Variants in CNTN5 observed in about 807,000 individuals in gnomAD.
The protein encoded by CNTN5 is contactin-5.
A neutral mutation model predicts 129.1 loss-of-function variants in CNTN5; 77 were observed. That is an observed-to-expected ratio of 0.60 (90% CI 0.50 to 0.72). The LOEUF (loss-of-function observed/expected upper bound fraction) is 0.72. CNTN5 is among the 30% of genes least tolerant of loss of function. The pLI, the probability that CNTN5 is intolerant of heterozygous loss-of-function variation, is 0.00. For synonymous variants in CNTN5, 509 were observed against 465.6 expected, an observed-to-expected ratio of 1.09 and a Z score of -1.20; for missense variants, 1,478 against 1,328.8, an observed-to-expected ratio of 1.11 and a Z score of -1.75.
rs149278821 is a variant in CNTN5 at position 99,805,030 on chromosome 11, T to C, written c.56-14514T>C. ...CATAGGTAACTGTTTATTGAGGAATTAAAGTCTGAGAGAAAACAGGAAATG... is the reference window on the plus strand; with the variant it reads ...CATAGGTAACTGTTTATTGAGGAATCAAAGTCTGAGAGAAAACAGGAAATG... On this transcript the variant is annotated intron_variant, in intron 3 of 24. Transcript: ENST00000524871. 3.1e-3 allele frequency among the ~76,000 whole-genome samples: 477 copies of C among 152,152 alleles called. 5 individuals carry two copies. Among genetic ancestry groups the C allele is most frequent in the African/African-American group, 0.011 (464 of 41,518 alleles).
chr11:99,810,580 A>G (rs1315600722), intron 3 of CNTN5, among the ~76,000 whole-genome samples: 2 of 152,150 alleles, frequency 1.3e-5, no homozygotes, highest in African/African-American at 4.8e-5. Context: ...GATTTGGGCT[A>G]TTTCAAACTC....
intron 2 of CNTN5, among the ~76,000 whole-genome samples, chr11:99,547,295 C>T (rs1261958685): frequency 2.6e-5 from 4 of 152,126 alleles, no homozygotes; most frequent in South Asian, 2.1e-4. Context: ...TGAGCCACCG[C>T]GCCTGGTCGA....
chr11:100,261,746 T>C (rs1259133644), intron 17 of CNTN5, among the ~76,000 whole-genome samples: 2 of 152,170 alleles, frequency 1.3e-5, no homozygotes, highest in African/African-American at 4.8e-5. Flanking sequence ...ACTAGCTATA[T>C]GCAGAAAACA....
intron 13 of CNTN5, among the ~76,000 whole-genome samples, chr11:100,088,098 T>C (rs895235988): frequency 6.6e-6 from 1 of 151,718 alleles, no homozygotes; most frequent in Admixed American, 6.6e-5. Flanking sequence ...ATCTCTAAGA[T>C]GCAAATAAGC....
intron 15 of CNTN5, among the ~76,000 whole-genome samples, chr11:100,208,210 C>A (rs1358512598): frequency 6.6e-6 from 1 of 152,078 alleles, no homozygotes; most frequent in Non-Finnish European, 1.5e-5. Flanking sequence ...ACAAAATAAA[C>A]CTTGCAAAAA....
At chr11:99,414,075 G>C (rs1740509856) in intron 2 of CNTN5, among the ~76,000 whole-genome samples, 1 of 152,196 alleles carries the variant, frequency 6.6e-6, no homozygotes, top group Non-Finnish European at 1.5e-5. Flanking sequence ...CAAGTTGTCA[G>C]TGTTAATTAG....
chr11:100,009,431 T>C (rs12421109), intron 9 of CNTN5, among the ~76,000 whole-genome samples: 61,397 of 149,322 alleles, frequency 0.41, 13,467 homozygotes, highest in African/African-American at 0.58. Flanking sequence ...ATGTAAAGGC[T>C]TGGGTAACAC....
intron 1 of CNTN5, among the ~76,000 whole-genome samples, chr11:99,285,405 G>T (rs1320642372): frequency 6.6e-6 from 1 of 152,052 alleles, no homozygotes; most frequent in Non-Finnish European, 1.5e-5. Context: ...TCTGGATACA[G>T]CAGGAATCCT....
Position 99,825,216 on chromosome 11 carries a change from T to G in CNTN5, c.277+5451T>G, listed in dbSNP as rs1565574765. The stretch of plus-strand genomic sequence containing the variant: ...GCCAGACTCTTTAATTTCTTTAGGA[T>G]GTTTTCGCTTTTCCCTTGCTTTACA... On this transcript the variant is annotated intron_variant, in intron 4 of 24. Coordinates refer to ENST00000524871, the MANE Select transcript of CNTN5 (RefSeq NM_014361.4). 2.6e-5 allele frequency among the ~76,000 whole-genome samples: 4 copies of G among 152,058 alleles called. No individual in the cohort carries two copies. The South Asian group carries it at 8.3e-4, about 31-fold the overall frequency.
chr11:99,097,725 A>G (rs1189289996), intron 1 of CNTN5, among the ~76,000 whole-genome samples: 3 of 151,888 alleles, frequency 2.0e-5, no homozygotes, highest in Non-Finnish European at 1.5e-5. Flanking sequence ...TTCAAGAACC[A>G]TATTTGCTTT....
At chr11:99,697,684 T>G (rs368662640) in intron 3 of CNTN5, among the ~76,000 whole-genome samples, 3 of 151,744 alleles carry the variant, frequency 2.0e-5, no homozygotes, top group African/African-American at 7.2e-5. Context: ...TTAATGAATA[T>G]TAATCTATCA....
chr11:100,074,109 C>T, intron 12 of CNTN5, 35 bp from the exon 13 acceptor site: 4 of 1,587,780 alleles, frequency 2.5e-6, no homozygotes, highest in Non-Finnish European at 3.4e-6. Flanking sequence ...ATTGTCATTG[C>T]TTCTGGTAGA....
intron 2 of CNTN5, among the ~76,000 whole-genome samples, chr11:99,423,864 T>TG (rs1236527855): frequency 7.0e-6 from 1 of 142,388 alleles, no homozygotes; most frequent in African/African-American, 2.5e-5. Context: ...GGGTATGGGG[T>TG]GGGGGAGCGG....
intron 2 of CNTN5, among the ~76,000 whole-genome samples, chr11:99,533,545 C>T (rs1375368816): frequency 6.6e-6 from 1 of 152,234 alleles, no homozygotes; most frequent in Non-Finnish European, 1.5e-5. Context: ...CTGCCTTGCC[C>T]AGGCAATGGG....
intron 2 of CNTN5, among the ~76,000 whole-genome samples, chr11:99,453,559 CA>C (rs1251412112): frequency 6.6e-6 from 1 of 152,000 alleles, no homozygotes; most frequent in Non-Finnish European, 1.5e-5. Flanking sequence ...TAAGAGTAAC[CA>C]AATGCAATTA....
chr11:99,396,484 G>A (rs1285532011), intron 2 of CNTN5, among the ~76,000 whole-genome samples: 1 of 151,432 alleles, frequency 6.6e-6, no homozygotes, highest in Non-Finnish European at 1.5e-5. Flanking sequence ...ACCCCAGTCA[G>A]TATCCTTAAA....
At position 99,573,989 on chromosome 11, in the gene CNTN5, G is replaced by T. The variant is rs184676889; in HGVS notation, c.55+17720G>T. ...GTTACGTAAGTATACACATGCCATG[G>T]TGGTTTGCTGCACCCATCAACCCGT... On this transcript the variant is annotated intron_variant, in intron 3 of 24. Transcript: ENST00000524871. Among the ~76,000 whole-genome samples, 2 of 152,002 alleles carry T rather than the reference G, an allele frequency of 1.3e-5. 1 individual carries two copies. The highest frequency in any genetic ancestry group is 4.1e-4 in the South Asian group (2 of 4,826).
At chr11:99,298,307 A>G (rs1162218283) in intron 1 of CNTN5, among the ~76,000 whole-genome samples, 6 of 152,222 alleles carry the variant, frequency 3.9e-5, no homozygotes, top group Admixed American at 2.0e-4. Flanking sequence ...ATTTATAGAC[A>G]AAAAAGGTAA....
At chr11:99,135,056 T>G (rs1859149658) in intron 1 of CNTN5, among the ~76,000 whole-genome samples, 2 of 152,188 alleles carry the variant, frequency 1.3e-5, no homozygotes, top group Admixed American at 1.3e-4. Context: ...AATATAAGCC[T>G]TGCAATGTTC....
Sources: gnomAD v4.1 joint callset for allele counts (sites outside exome capture counted in the v4.1 genomes callset) on GRCh38, gnomAD v4.1.1 for gene constraint, MANE v1.5 for transcripts, NCBI Gene and HGNC (gene_info 2026-07-23, HGNC 2026-07-21) for gene names.